Variants in FEZ1 observed in about 807,000 individuals in gnomAD.
FEZ1 encodes fasciculation and elongation protein zeta-1.
FEZ1 carries 20 observed loss-of-function variants against 49.3 expected under a neutral mutation model. The observed-to-expected ratio is 0.41, with a 90% confidence interval of 0.29 to 0.59. FEZ1 has a LOEUF of 0.59. Among genes scored for constraint, FEZ1 ranks in the 20% least tolerant of loss-of-function variants. The probability of loss-of-function intolerance (pLI) is 0.36; values close to 1 mark genes in which losing one functional copy is unlikely to be tolerated. For synonymous variants in FEZ1, 170 were observed against 180.9 expected (o/e 0.94, Z 0.48); for missense variants, 413 against 476.0 (o/e 0.87, Z 1.23).
At chr11:125,474,486 C>T (rs957841822) in intron 3 of FEZ1, among the ~76,000 whole-genome samples, 1 of 152,146 alleles carries the variant, frequency 6.6e-6, no homozygotes, top group African/African-American at 2.4e-5. Flanking sequence ...ATTTAAAAAA[C>T]ATTTGCTCTT....
At chr11:125,478,654 G>A (rs1957254030) in intron 3 of FEZ1, among the ~76,000 whole-genome samples, 3 of 152,140 alleles carry the variant, frequency 2.0e-5, no homozygotes, top group Admixed American at 2.0e-4. Context: ...GATAATAAAA[G>A]AGGATGAAAT....
rs894085290 is a variant in FEZ1 at position 125,453,889 on chromosome 11, G to T, written c.1020+241C>A. 8.2e-5 allele frequency: 29 copies of T among 354,072 alleles called. No homozygotes were observed. The Admixed American group carries it at 1.1e-3, about 13-fold the overall frequency. The allele number at this position is 354,072 out of a possible 1,614,324, so 21.9% of individuals were successfully genotyped here. ...AATTCTTAGACCTACAAGCAGTGTT[G>T]AGTTTTAAGTCTTGCCCATGTCCTA... is the stretch of plus-strand genomic sequence containing the variant. On this transcript the variant is annotated intron_variant, in intron 7 of 9. Coordinates refer to ENST00000278919, the MANE Select transcript of FEZ1 (RefSeq NM_005103.5).
Position 125,481,560 on chromosome 11 carries a change from G to C in FEZ1, c.385C>G (p.Leu129Val), listed in dbSNP as rs748296374. The part of the protein sequence containing the change: ...EDWRDPNIEA[L>V]NGNCSDTEIH... The stretch of plus-strand genomic sequence containing the variant: ...TCAGTGTCAGAGCAGTTGCCATTCA[G>C]AGCCTCGATGTTTGGATCCCTCCAG... Residue 129 changes from leucine (L) to valine (V), a missense_variant, in exon 3 of 10, where the codon CTG becomes GTG. Leu to Val is a conservative substitution (Grantham distance 32). Transcript: ENST00000278919. The C allele has an allele frequency of 1.2e-5, 19 of 1,612,834 alleles. No homozygotes were observed. In the East Asian group the frequency reaches 3.6e-4, roughly 30 times the overall value.
At chr11:125,477,453 C>A (rs918737552) in intron 3 of FEZ1, among the ~76,000 whole-genome samples, 9 of 151,944 alleles carry the variant, frequency 5.9e-5, no homozygotes, top group Non-Finnish European at 1.2e-4. Context: ...TGCAGTGAGC[C>A]GAGATCGTGC....
intron 3 of FEZ1, among the ~76,000 whole-genome samples, chr11:125,470,827 A>G (rs934248213): frequency 6.6e-6 from 1 of 152,214 alleles, no homozygotes; most frequent in Non-Finnish European, 1.5e-5. Flanking sequence ...TTTTAAAAGT[A>G]TCTTTTTTTT....
intron 2 of FEZ1, among the ~76,000 whole-genome samples, chr11:125,486,992 A>G (rs920912632): frequency 2.6e-5 from 4 of 152,184 alleles, no homozygotes; most frequent in Non-Finnish European, 5.9e-5. Flanking sequence ...CTGTCCCCAA[A>G]TTATACCTTA....
At chr11:125,491,280 T>C (rs1221835872) in intron 1 of FEZ1, among the ~76,000 whole-genome samples, 3 of 152,188 alleles carry the variant, frequency 2.0e-5, no homozygotes, top group African/African-American at 7.2e-5. Context: ...GCCATCTTCA[T>C]GCACTGCTTC....
At position 125,454,181 on chromosome 11, in the gene FEZ1, A is replaced by G. The variant is rs1276720023; in HGVS notation, c.969T>C (p.Ile323=). The G allele has an allele frequency of 1.2e-6, 2 of 1,613,648 alleles. No individual in the cohort carries two copies. Among genetic ancestry groups the G allele is most frequent in the Non-Finnish European group, 8.5e-7 (1 of 1,179,822 alleles). ...AGGTCTGGCGGATGCCACTCTGCAGAATGTTGGAGATGCCTTCCATGCTGA... is the reference window on the plus strand; with the variant it reads ...AGGTCTGGCGGATGCCACTCTGCAGGATGTTGGAGATGCCTTCCATGCTGA... ...KRFSMEGISN[I]LQSGIRQTFG... The change falls in exon 7 of 10, where the codon ATT becomes ATC. Residue 323 remains isoleucine, a synonymous_variant. Transcript: ENST00000278919.
In FEZ1 at chr11:125,452,343, G is replaced by A; in HGVS notation, c.1087C>T (p.Leu363=). The change falls in exon 8 of 10, where the codon CTG becomes TTG. Residue 363 remains leucine (L), a synonymous_variant. Coordinates refer to ENST00000278919, the MANE Select transcript of FEZ1 (RefSeq NM_005103.5). ...AACAAGAGGAACTCACTGTTTGTCA[G>A]CATCTGCAGGTCTTCCACTGAGGGA... is the stretch of plus-strand genomic sequence containing the variant. ...SPPSVEDLQM[L]TNILFAMKED... is the part of the protein sequence containing the mutation. 1 of 1,607,686 alleles carries A rather than the reference G, an allele frequency of 6.2e-7. No homozygotes were observed. Among genetic ancestry groups the A allele is most frequent in the Non-Finnish European group, 8.5e-7 (1 of 1,174,040 alleles).
chr11:125,463,485 T>G lies in FEZ1; in HGVS notation c.497A>C (p.Gln166Pro). The change falls in exon 4 of 10, where the codon CAG (glutamine) becomes CCG (proline). Residue 166 changes from glutamine (Q) to proline (P), a missense_variant and splice_region_variant. By Grantham distance (76) the Gln-to-Pro change is moderately conservative (BLOSUM62 -1). Coordinates refer to ENST00000278919, the MANE Select transcript of FEZ1 (RefSeq NM_005103.5). ...INEEPLLTAD[Q>P]VIEEIEEMMQ... is the part of the protein sequence containing the mutation. ...GATAACCTGGAGAGATACTTATACC[T>G]GATCTGCTGTGAGCAGAGGCTCCTC... 2 of 1,573,760 alleles carry G rather than the reference T, an allele frequency of 1.3e-6. No homozygotes were observed. The highest frequency in any genetic ancestry group is 1.7e-6 in the Non-Finnish European group (2 of 1,143,358).
intron 5 of FEZ1, among the ~76,000 whole-genome samples, chr11:125,457,917 A>C (rs1957035487): frequency 6.6e-6 from 1 of 151,922 alleles, no homozygotes; most frequent in Non-Finnish European, 1.5e-5. Flanking sequence ...CTTTCCCCTT[A>C]TTCTGCTCTT....
chr11:125,466,593 T>C (rs1235844185), intron 3 of FEZ1, among the ~76,000 whole-genome samples: 1 of 152,194 alleles, frequency 6.6e-6, no homozygotes, highest in Non-Finnish European at 1.5e-5. Flanking sequence ...TTGAGAAGAT[T>C]TGAATCCAGA....
At chr11:125,457,452 GTATATATACACA>G (rs1565533533) in intron 5 of FEZ1, among the ~76,000 whole-genome samples, 1 of 47,490 alleles carries the variant, frequency 2.1e-5, no homozygotes, top group African/African-American at 8.2e-5. Context: ...ATATATATAT[GTATATATACACA>G]TATATATGTA....
intron 1 of FEZ1, among the ~76,000 whole-genome samples, chr11:125,493,358 A>AAAGG (rs1957402854): frequency 9.4e-6 from 1 of 106,782 alleles, no homozygotes; most frequent in Admixed American, 9.6e-5. Flanking sequence ...AGAAAGAAAG[A>AAAGG]GAGAAAAGAA....
rs1957445341 is a variant in FEZ1, at chr11:125,495,141, T to G, written c.-46+980A>C. ...CTTGCTCCCCTCCCCCTCCTCCCGCTGCTCCATTCACCTCCATCTCAGATC... is the reference window on the plus strand; with the variant it reads ...CTTGCTCCCCTCCCCCTCCTCCCGCGGCTCCATTCACCTCCATCTCAGATC... On this transcript the variant is annotated intron_variant, in intron 1 of 9. Coordinates refer to ENST00000278919, the MANE Select transcript of FEZ1 (RefSeq NM_005103.5). The surrounding 1 kb of genome is among the most constrained non-coding windows in gnomAD (Gnocchi z 4.2). 1 of 346,620 alleles carries G rather than the reference T, an allele frequency of 2.9e-6. No individual in the cohort carries two copies. The allele number at this position is 346,620 out of a possible 1,614,324, so 21.5% of individuals were successfully genotyped here.
intron 3 of FEZ1, chr11:125,469,057 C>T (rs977031961): frequency 6.6e-6 from 1 of 152,300 alleles, no homozygotes; most frequent in Non-Finnish European, 1.5e-5. Context: ...ACCAGACAGA[C>T]CTCTGGCCTC....
intron 3 of FEZ1, among the ~76,000 whole-genome samples, chr11:125,468,010 G>GA (rs1247992009): frequency 3.3e-5 from 5 of 151,992 alleles, no homozygotes; most frequent in African/African-American, 7.2e-5. Context: ...GGTAAATTGT[G>GA]AAAAAAATAA....
chr11:125,465,450 G>A (rs887872574), intron 3 of FEZ1, among the ~76,000 whole-genome samples: 12 of 152,108 alleles, frequency 7.9e-5, no homozygotes, highest in Admixed American at 2.6e-4. Flanking sequence ...GGCTGTGGCC[G>A]GAATGATGCA....
At chr11:125,470,149 T>A (rs923340806) in intron 3 of FEZ1, among the ~76,000 whole-genome samples, 1 of 152,190 alleles carries the variant, frequency 6.6e-6, no homozygotes, top group Non-Finnish European at 1.5e-5. Context: ...AAACCTCTTC[T>A]AAGAAACTGC....
Sources: gnomAD v4.1 joint callset for allele counts (sites outside exome capture counted in the v4.1 genomes callset) on GRCh38, gnomAD v4.1.1 for gene constraint, Gnocchi (gnomAD v3.1) non-coding constraint, MANE v1.5 for transcripts, NCBI Gene and HGNC (gene_info 2026-07-23, HGNC 2026-07-21) for gene names.